The following GALNT13 variants were observed in gnomAD, a reference collection of about 807,000 sequenced individuals.
The protein encoded by GALNT13 is polypeptide N-acetylgalactosaminyltransferase 13, also known as UDP-GalNAc:polypeptide N-acetylgalactosaminyltransferase 13.
Under a neutral mutation model 64.2 loss-of-function variants are expected in GALNT13, and 28 were observed. The ratio of observed to expected loss-of-function variants is 0.44; its 90% CI spans 0.32 to 0.60. GALNT13 has a LOEUF of 0.60. Among genes scored for constraint, GALNT13 ranks in the 20% least tolerant of loss-of-function variants. GALNT13 has a pLI of 0.05. For synonymous variants in GALNT13, 214 were observed against 224.6 expected (o/e 0.95, Z 0.42); for missense variants, 577 against 669.8 (o/e 0.86, Z 1.53).
chr2:153,231,619 G>A, the GALNT13 span, among the ~76,000 whole-genome samples: 5 of 151,972 alleles, frequency 3.3e-5, no homozygotes, highest in Admixed American at 6.6e-5. Context: ...TTTATCTTGT[G>A]GAATAAATGA....
the GALNT13 span, among the ~76,000 whole-genome samples, chr2:153,564,775 G>A: frequency 1.3e-5 from 2 of 152,150 alleles, no homozygotes; most frequent in South Asian, 2.1e-4. Context: ...TCCTTGTGTC[G>A]AAAGTCGCTC....
intron 7 of GALNT13, 98 bp from the exon 8 acceptor site, chr2:154,258,923 A>C (rs1690535496): frequency 4.7e-6 from 3 of 640,292 alleles, no homozygotes; most frequent in Non-Finnish European, 8.3e-6. Flanking sequence ...AGATTTTTTA[A>C]ATATTTAGAA....
chr2:153,326,966 T>G, the GALNT13 span, among the ~76,000 whole-genome samples: 3 of 151,992 alleles, frequency 2.0e-5, no homozygotes, highest in Non-Finnish European at 4.4e-5. Flanking sequence ...CGCCTGTAAT[T>G]GCAGCTACTC....
the GALNT13 span, among the ~76,000 whole-genome samples, chr2:153,261,296 A>G: frequency 6.6e-6 from 1 of 152,126 alleles, no homozygotes; most frequent in East Asian, 1.9e-4. Context: ...TTAAAGAATT[A>G]GGTATTTATT....
chr2:153,337,495 G>A, the GALNT13 span, among the ~76,000 whole-genome samples: 2 of 152,102 alleles, frequency 1.3e-5, no homozygotes, highest in African/African-American at 4.8e-5. Context: ...TTAAATACAG[G>A]ATATTTAAGA....
intron 3 of GALNT13, among the ~76,000 whole-genome samples, chr2:154,017,568 T>C (rs999574104): frequency 6.6e-6 from 1 of 152,182 alleles, no homozygotes; most frequent in Non-Finnish European, 1.5e-5. Context: ...AATTTACATA[T>C]TTTCCCAAGA....
chr2:154,117,153 C>T (rs1190630199), intron 3 of GALNT13, among the ~76,000 whole-genome samples: 1 of 152,070 alleles, frequency 6.6e-6, no homozygotes, highest in African/African-American at 2.4e-5. Context: ...TAGATGGCAC[C>T]CACCGAGATT....
chr2:153,922,380 C>T (rs1689817850), intron 2 of GALNT13, among the ~76,000 whole-genome samples: 1 of 152,134 alleles, frequency 6.6e-6, no homozygotes, highest in African/African-American at 2.4e-5. Context: ...AATCATTCAG[C>T]CACATAAACA....
intron 11 of GALNT13, among the ~76,000 whole-genome samples, chr2:154,432,751 C>T (rs149656443): frequency 1.1e-4 from 17 of 152,210 alleles, no homozygotes; most frequent in East Asian, 9.7e-4. Context: ...CTTATAAGGA[C>T]GCCAGTCCTT....
intron 9 of GALNT13, among the ~76,000 whole-genome samples, chr2:154,381,024 T>C (rs1698244872): frequency 6.6e-6 from 1 of 151,994 alleles, no homozygotes; most frequent in Admixed American, 6.6e-5. Context: ...GCTAACAAGA[T>C]GTAATATAAT....
chr2:153,710,200 C>A, the GALNT13 span, among the ~76,000 whole-genome samples: 1 of 152,122 alleles, frequency 6.6e-6, no homozygotes, highest in South Asian at 2.1e-4. Flanking sequence ...TTTAACTATT[C>A]CACATTGTAT....
intron 8 of GALNT13, among the ~76,000 whole-genome samples, chr2:154,294,666 C>A (rs1363988393): frequency 6.6e-6 from 1 of 152,134 alleles, no homozygotes; most frequent in Non-Finnish European, 1.5e-5. Context: ...CATCCTTAAG[C>A]ATTTGTTTCA....
intron 3 of GALNT13, among the ~76,000 whole-genome samples, chr2:153,992,602 C>T (rs1695234676): frequency 1.3e-5 from 2 of 152,164 alleles, no homozygotes; most frequent in South Asian, 4.1e-4. Context: ...CATCTAGATT[C>T]ATGAAGCTGA....
At chr2:153,220,126 C>A in the GALNT13 span, among the ~76,000 whole-genome samples, 1 of 152,238 alleles carries the variant, frequency 6.6e-6, no homozygotes, top group East Asian at 1.9e-4. Context: ...CCAGTGTTAG[C>A]CAGGTAGTGG....
the GALNT13 span, among the ~76,000 whole-genome samples, chr2:153,525,203 C>T: frequency 2.6e-5 from 4 of 152,166 alleles, no homozygotes; most frequent in Non-Finnish European, 5.9e-5. Flanking sequence ...GCATTAATCA[C>T]CTCCTAGCTA....
intron 4 of GALNT13, among the ~76,000 whole-genome samples, chr2:154,233,069 GA>G (rs1398035245): frequency 4.2e-5 from 6 of 143,620 alleles, no homozygotes; most frequent in Non-Finnish European, 9.2e-5. Flanking sequence ...AAAAAGAAAA[GA>G]AAAAAAGTAC....
At chr2:153,416,852 T>A in the GALNT13 span, among the ~76,000 whole-genome samples, 1 of 152,154 alleles carries the variant, frequency 6.6e-6, no homozygotes, top group Non-Finnish European at 1.5e-5. Context: ...TTAAAATACA[T>A]CCAACTTTTG....
chr2:153,773,492 G>A, the GALNT13 span, among the ~76,000 whole-genome samples: 1 of 152,154 alleles, frequency 6.6e-6, no homozygotes, highest in East Asian at 1.9e-4. Flanking sequence ...GTAGTATTGT[G>A]TATTTGCATT....
chr2:153,419,295 GTCCATGAT>G, the GALNT13 span, among the ~76,000 whole-genome samples: 1 of 152,178 alleles, frequency 6.6e-6, no homozygotes, highest in African/African-American at 2.4e-5. Flanking sequence ...GAGGGAAACT[GTCCATGAT>G]TCAATTATCT....
Sources: gnomAD v4.1 joint callset for allele counts (sites outside exome capture counted in the v4.1 genomes callset) on GRCh38, gnomAD v4.1.1 for gene constraint, MANE v1.5 for transcripts, NCBI Gene and HGNC (gene_info 2026-07-23, HGNC 2026-07-21) for gene names.